The following MYBL1 variants were observed in gnomAD, a reference collection of about 807,000 sequenced individuals.
MYBL1 encodes myb-related protein A.
MYBL1 carries 17 observed loss-of-function variants against 96.3 expected under a neutral mutation model. That is an observed-to-expected ratio of 0.18 (90% CI 0.12 to 0.26). The LOEUF (loss-of-function observed/expected upper bound fraction) is 0.26. Among genes scored for constraint, MYBL1 ranks in the 10% least tolerant of loss-of-function variants. MYBL1 has a pLI of 1.00. For synonymous variants in MYBL1, 282 were observed against 292.7 expected (o/e 0.96, Z 0.37); for missense variants, 701 against 882.9 (o/e 0.79, Z 2.61).
intron 9 of MYBL1, among the ~76,000 whole-genome samples, chr8:66,576,579 T>C (rs1808958309): frequency 1.3e-5 from 2 of 152,166 alleles, no homozygotes; most frequent in African/African-American, 4.8e-5. Context: ...TAATAGTTCA[T>C]CTAATTCAGT....
At chr8:66,573,287 T>C in intron 11 of MYBL1, 77 bp downstream of exon 11, 1 of 1,316,862 alleles carries the variant, frequency 7.6e-7, no homozygotes, top group Non-Finnish European at 1.0e-6. Flanking sequence ...ACTTGCTATT[T>C]ATATGCACAA....
rs1157778126 is a variant in MYBL1 at position 66,565,088 on chromosome 8, GT to G, written c.2131-264del. On this transcript the variant is annotated intron_variant, in intron 15 of 15. Coordinates refer to ENST00000522677, the MANE Select transcript of MYBL1 (RefSeq NM_001080416.4). The stretch of plus-strand genomic sequence containing the variant: ...CCTATGGAGGCAGTTTAAAAGTCTT[GT>G]CCCCAATAATTCCCCCCAAATCAAA... 1.4e-4 allele frequency: 27 copies of G among 188,552 alleles called. 1 individual carries two copies. In the South Asian group the frequency reaches 3.5e-3, roughly 25 times the overall value. 11.7% of individuals were successfully genotyped at this position (188,552 alleles called of 1,614,324 possible). A position where few individuals can be genotyped will look rare whatever the true frequency, so the allele number is the denominator to read the frequency against.
At position 66,566,050 on chromosome 8, in the gene MYBL1, T is replaced by G. The variant is rs752285133; in HGVS notation, c.2130+14A>C. The G allele has an allele frequency of 1.3e-5, 19 of 1,471,280 alleles. No individual in the cohort carries two copies. The highest frequency in any genetic ancestry group is 8.2e-5 in the South Asian group (6 of 72,784). 91.1% of individuals were successfully genotyped at this position (1,471,280 alleles called of 1,614,324 possible). A position where few individuals can be genotyped will look rare whatever the true frequency, so the allele number is the denominator to read the frequency against. On this transcript the variant is annotated intron_variant, in intron 15 of 15. Transcript: ENST00000522677. ...CAAAAACAAAAATCACTAAAGAAAT[T>G]TATAAATCCATACCTGAAGATTCTT...
intron 1 of MYBL1, among the ~76,000 whole-genome samples, chr8:66,609,612 A>C (rs1810451697): frequency 6.6e-6 from 1 of 152,034 alleles, no homozygotes; most frequent in African/African-American, 2.4e-5. Context: ...AGTAAGACAA[A>C]CTTTACAAAA....
intron 12 of MYBL1, among the ~76,000 whole-genome samples, chr8:66,568,182 G>C (rs1586549420): frequency 6.6e-6 from 1 of 151,986 alleles, no homozygotes; most frequent in Non-Finnish European, 1.5e-5. Flanking sequence ...AAACTTTTAA[G>C]ATGAAAACAA....
chr8:66,573,148 A>C (rs1434917891), intron 11 of MYBL1, among the ~76,000 whole-genome samples: 13 of 151,356 alleles, frequency 8.6e-5, no homozygotes, highest in Non-Finnish European at 1.8e-4. Flanking sequence ...CGGGAGGCAG[A>C]GGTTGCAGTG....
chr8:66,591,913 C>G (rs1260182330), intron 8 of MYBL1, among the ~76,000 whole-genome samples: 1 of 151,924 alleles, frequency 6.6e-6, no homozygotes, highest in Admixed American at 6.6e-5. Context: ...ATTTATGACT[C>G]AAGAAGTATC....
Position 66,564,743 on chromosome 8 carries a change from C to T in MYBL1, c.2213G>A (p.Ser738Asn). The change falls in exon 16 of 16, where the codon AGT becomes AAT. Residue 738 changes from serine to asparagine, a missense_variant. Ser to Asn is a conservative substitution (Grantham distance 46). Coordinates refer to ENST00000522677, the MANE Select transcript of MYBL1 (RefSeq NM_001080416.4). ...IMTEQARRYL[S>N]TYTATSSTSR... The stretch of plus-strand genomic sequence containing the variant: ...AGTACTACTGGTAGCTGTGTAAGTA[C>T]TCAGATATCTTCTTGCTTGTTCAGT... 3.2e-6 allele frequency: 5 copies of T among 1,586,246 alleles called. No homozygotes were observed. Among genetic ancestry groups the T allele is most frequent in the Non-Finnish European group, 4.3e-6 (5 of 1,163,270 alleles).
Position 66,612,863 on chromosome 8 carries a change from G to C in MYBL1, c.-25C>G, listed in dbSNP as rs1586611957. ...TCCTTCAAGTACCGCATAGGAGCAG[G>C]CTGGGCGGGGACGCGGGTCAGCCTC... On this transcript the variant is annotated 5_prime_UTR_variant, in exon 1 of 16. Transcript: ENST00000522677. 7.4e-7 allele frequency: 1 copy of C among 1,351,938 alleles called. No homozygotes were observed. The highest frequency in any genetic ancestry group is 2.8e-5 in the East Asian group (1 of 35,896). The allele number at this position is 1,351,938 out of a possible 1,614,324, so 83.7% of individuals were successfully genotyped here. A position where few individuals can be genotyped will look rare whatever the true frequency, so the allele number is the denominator to read the frequency against.
At position 66,562,593 on chromosome 8, in the gene MYBL1, G is replaced by C. The variant is rs1335314067; in HGVS notation, c.*2104C>G. 6.6e-6 allele frequency: 1 copy of C among 152,464 alleles called. No individual in the cohort carries two copies. 9.4% of individuals were successfully genotyped at this position (152,464 alleles called of 1,614,324 possible). On this transcript the variant is annotated 3_prime_UTR_variant, in exon 16 of 16. Coordinates refer to ENST00000522677, the MANE Select transcript of MYBL1 (RefSeq NM_001080416.4). ...CCATTTAGGATAATTTAATGCTCAA[G>C]AAAAAATATGCTTTAAAAAATATAG...
At position 66,576,391 on chromosome 8, in the gene MYBL1, CTG is replaced by C. The variant is rs1421689346; in HGVS notation, c.1102-18_1102-17del. 6.3e-7 allele frequency: 1 copy of C among 1,583,362 alleles called. No homozygotes were observed. Among genetic ancestry groups the C allele is most frequent in the Non-Finnish European group, 8.6e-7 (1 of 1,167,900 alleles). ...CTACAGGATCCTGCAATAAATTAAA[CTG>C]TTAATAAAGTTAATGCTGTAACCTA... On this transcript the variant is annotated splice_polypyrimidine_tract_variant and intron_variant, in intron 9 of 15. Coordinates refer to ENST00000522677, the MANE Select transcript of MYBL1 (RefSeq NM_001080416.4).
chr8:66,608,339 T>C (rs1810401162), intron 1 of MYBL1, among the ~76,000 whole-genome samples: 2 of 152,138 alleles, frequency 1.3e-5, no homozygotes, highest in Non-Finnish European at 2.9e-5. Context: ...GCTTTTTGAA[T>C]GGGTAAGTGT....
In MYBL1 at chr8:66,572,580, T is replaced by C. The variant is rs548189828; in HGVS notation, c.1630A>G (p.Ile544Val). ...KENVGFRTPT[I>V]RRSILGTTPR... is the part of the protein sequence containing the mutation. ...GTGGTACCCAGTATAGATCTTCTAATAGTAGGTGTTCTAAACCTATCCAGT... is the reference window on the plus strand; with the variant it reads ...GTGGTACCCAGTATAGATCTTCTAACAGTAGGTGTTCTAAACCTATCCAGT... The change falls in exon 12 of 16, where the codon ATT (isoleucine) becomes GTT (valine). Residue 544 changes from isoleucine (I) to valine (V), a missense_variant. By Grantham distance (29) the Ile-to-Val change is conservative (BLOSUM62 3). Around this residue, in one of 5 missense-constraint regions of MYBL1, gnomAD observed 63 missense variants for 109.2 expected, o/e 0.58. Transcript: ENST00000522677. 17 of 1,555,236 alleles carry C rather than the reference T, an allele frequency of 1.1e-5. No individual in the cohort carries two copies. In the East Asian group the frequency reaches 2.9e-4, roughly 27 times the overall value.
In MYBL1 at chr8:66,613,169, C is replaced by G; in HGVS notation, c.-331G>C. ...CCCTGCCCTGGCCCCAGCCCGGCTC[C>G]GCCACAGGCGCCCGACCCCTGCCCT... On this transcript the variant is annotated 5_prime_UTR_variant, in exon 1 of 16. Transcript: ENST00000522677. 2 of 401,054 alleles carry G rather than the reference C, an allele frequency of 5.0e-6. No homozygotes were observed. Among genetic ancestry groups the G allele is most frequent in the East Asian group, 7.1e-5 (2 of 28,086 alleles). The allele number at this position is 401,054 out of a possible 1,614,324, so 24.8% of individuals were successfully genotyped here.
In MYBL1 at chr8:66,571,570, T is replaced by C. The variant is rs113311862; in HGVS notation, c.1728+912A>G. Among the ~76,000 whole-genome samples, 1,224 of 152,280 alleles carry C rather than the reference T, an allele frequency of 8.0e-3. 15 individuals are homozygous for C. Among genetic ancestry groups the C allele is most frequent in the African/African-American group, 0.027 (1,116 of 41,552 alleles). ...GTAACCATGACTGAAACTACTAAAATGTATATTTCAGTATTAAGAAAAGTG... is the reference window on the plus strand; with the variant it reads ...GTAACCATGACTGAAACTACTAAAACGTATATTTCAGTATTAAGAAAAGTG... On this transcript the variant is annotated intron_variant, in intron 12 of 15. Transcript: ENST00000522677.
At chr8:66,610,285 G>A (rs1810478781) in intron 1 of MYBL1, among the ~76,000 whole-genome samples, 1 of 151,942 alleles carries the variant, frequency 6.6e-6, no homozygotes, top group South Asian at 2.1e-4. Flanking sequence ...ATACAAATGA[G>A]TCTTCCTTTA....
intron 8 of MYBL1, among the ~76,000 whole-genome samples, chr8:66,590,870 C>T (rs984116220): frequency 6.6e-6 from 1 of 152,022 alleles, no homozygotes; most frequent in Admixed American, 6.5e-5. Context: ...AGGATGACTA[C>T]AGTTAACAAT....
chr8:66,603,321 T>C (rs536439244), intron 1 of MYBL1, among the ~76,000 whole-genome samples: 8 of 152,094 alleles, frequency 5.3e-5, no homozygotes, highest in African/African-American at 1.9e-4. Flanking sequence ...GCCTGACAAA[T>C]GGTAATGGTA....
chr8:66,603,387 C>T (rs1233367977), intron 1 of MYBL1, among the ~76,000 whole-genome samples: 4 of 151,534 alleles, frequency 2.6e-5, no homozygotes, highest in African/African-American at 4.8e-5. Context: ...ATTAACAATA[C>T]CAACAATAAA....
Sources: allele counts gnomAD v4.1 joint callset (sites outside exome capture counted in the v4.1 genomes callset), GRCh38; gene constraint gnomAD v4.1.1; regional missense constraint gnomAD v4.1.1; transcripts MANE v1.5; gene names NCBI Gene and HGNC (gene_info 2026-07-23, HGNC 2026-07-21).